The following FOXP2 variants were observed in gnomAD, a reference collection of about 807,000 sequenced individuals.
FOXP2 encodes the protein forkhead box protein P2.
A neutral mutation model predicts 115.8 loss-of-function variants in FOXP2; 12 were observed. The observed-to-expected ratio is 0.10, with a 90% CI of 0.07 to 0.17. The LOEUF (loss-of-function observed/expected upper bound fraction) is 0.17, where lower values mean the gene tolerates loss of function less well. Among genes scored for constraint, FOXP2 ranks in the 10% least tolerant of loss-of-function variants. The probability of loss-of-function intolerance (pLI) is 1.00; values close to 1 mark genes in which losing one functional copy is unlikely to be tolerated. For missense variants in FOXP2, 629 were observed against 843.5 expected, an observed-to-expected ratio of 0.75 and a Z score of 3.15; for synonymous variants, 328 against 297.7, an observed-to-expected ratio of 1.10 and a Z score of -1.05.
chr7:114,458,546 C>CTTTT (rs1177402028), intron 2 of FOXP2, among the ~76,000 whole-genome samples: 17 of 113,398 alleles, frequency 1.5e-4, no homozygotes, highest in Non-Finnish European at 2.1e-4. Context: ...ATTTTCTTTT[C>CTTTT]TTTTTTTTTT....
rs367555565 is a variant in FOXP2, at chr7:114,534,597, G to A, written c.169-20G>A. On this transcript the variant is annotated intron_variant, in intron 2 of 16. Transcript: ENST00000350908. ...AACTTTCAACAAAATATTTAGATAAGGTTTCATTTTTACTTCTAGGCTCTC... is the reference window on the plus strand; with the variant it reads ...AACTTTCAACAAAATATTTAGATAAAGTTTCATTTTTACTTCTAGGCTCTC... 1.2e-5 allele frequency: 20 copies of A among 1,601,094 alleles called. No individual in the cohort carries two copies. The highest frequency in any genetic ancestry group is 1.7e-5 in the Non-Finnish European group (20 of 1,168,856).
At position 114,426,461 on chromosome 7, in the gene FOXP2, G is replaced by A. The variant is rs780664643; in HGVS notation, c.-10-41G>A. On this transcript the variant is annotated intron_variant, in intron 1 of 16. Transcript: ENST00000350908. The stretch of plus-strand genomic sequence containing the variant: ...GACATCTTGATAATGGAAGTGTGAA[G>A]GTGTAACGTGTGTTAATTGATACTT... The A allele has an allele frequency of 1.8e-5, 28 of 1,574,366 alleles. No individual in the cohort carries two copies. In the East Asian group the frequency reaches 5.9e-4, roughly 33 times the overall value.
chr7:114,685,052 CTT>C (rs1202010036), intron 16 of FOXP2, among the ~76,000 whole-genome samples: 1 of 151,654 alleles, frequency 6.6e-6, no homozygotes, highest in African/African-American at 2.4e-5. Flanking sequence ...ATAAACATCT[CTT>C]ATGGATTTAG....
At chr7:114,297,604 A>G (rs1323186849) in intron 2 of FOXP2, among the ~76,000 whole-genome samples, 2 of 152,240 alleles carry the variant, frequency 1.3e-5, no homozygotes, top group African/African-American at 4.8e-5. Flanking sequence ...ACAATAAGCC[A>G]TCTGAAAGAA....
chr7:114,299,743 A>T (rs1376349512), intron 2 of FOXP2, among the ~76,000 whole-genome samples: 1 of 151,948 alleles, frequency 6.6e-6, no homozygotes, highest in Non-Finnish European at 1.5e-5. Context: ...TTCACATTAC[A>T]GGGATTTCTA....
chr7:114,264,977 G>A (rs774880221), intron 1 of FOXP2, among the ~76,000 whole-genome samples: 1 of 152,160 alleles, frequency 6.6e-6, no homozygotes, highest in Non-Finnish European at 1.5e-5. Context: ...CTTCCCACCA[G>A]GCCCTACTTC....
chr7:114,252,571 T>G (rs1795480569), intron 1 of FOXP2, among the ~76,000 whole-genome samples: 1 of 152,236 alleles, frequency 6.6e-6, no homozygotes, highest in African/African-American at 2.4e-5. Context: ...TTTTCTAGTT[T>G]ATTTGCGTAG....
chr7:114,149,602 A>ATT (rs376120503), intron 1 of FOXP2, among the ~76,000 whole-genome samples: 2 of 149,282 alleles, frequency 1.3e-5, no homozygotes, highest in African/African-American at 4.9e-5. Flanking sequence ...CCCATTTAAC[A>ATT]TTTTTTTTTT....
chr7:114,165,039 G>T (rs1032642261), intron 1 of FOXP2, among the ~76,000 whole-genome samples: 1 of 152,058 alleles, frequency 6.6e-6, no homozygotes, highest in African/African-American at 2.4e-5. Context: ...AAGAAGTGAT[G>T]ATAACAAAAT....
intron 2 of FOXP2, among the ~76,000 whole-genome samples, chr7:114,357,467 G>A (rs548502668): frequency 5.8e-4 from 88 of 152,242 alleles, no homozygotes; most frequent in Non-Finnish European, 1.1e-3. Context: ...TTTGTTTACC[G>A]TATCCATTCC....
chr7:114,200,679 G>C (rs1794037660), intron 1 of FOXP2, among the ~76,000 whole-genome samples: 1 of 152,060 alleles, frequency 6.6e-6, no homozygotes, highest in Non-Finnish European at 1.5e-5. Context: ...GGGAAGCAAT[G>C]GTATATTTTA....
chr7:114,663,610 TGTTCTTAATAGTTG>T (rs896828917), intron 15 of FOXP2, 91 bp downstream of exon 15: 16 of 989,526 alleles, frequency 1.6e-5, no homozygotes, highest in African/African-American at 3.3e-5. Flanking sequence ...AGATTGTGAT[TGTTCTTAATAGTTG>T]GTTTATCATC....
chr7:114,086,481 C>A (rs1028765375), upstream of FOXP2: 13 of 347,110 alleles, frequency 3.7e-5, no homozygotes, highest in Non-Finnish European at 6.8e-5. Context: ...GGCCCCCCCC[C>A]TCCCCGGGCG....
chr7:114,211,525 G>A (rs1240011747), intron 1 of FOXP2, among the ~76,000 whole-genome samples: 2 of 152,178 alleles, frequency 1.3e-5, no homozygotes, highest in Admixed American at 1.3e-4. Flanking sequence ...AGTCCCAATG[G>A]GAGAACTTGG....
At chr7:114,491,835 G>T (rs1797071116) in intron 2 of FOXP2, among the ~76,000 whole-genome samples, 1 of 152,064 alleles carries the variant, frequency 6.6e-6, no homozygotes, top group South Asian at 2.1e-4. Flanking sequence ...GAGGATTTTT[G>T]CATCGATGTT....
intron 2 of FOXP2, among the ~76,000 whole-genome samples, chr7:114,351,000 A>C (rs1233953528): frequency 2.0e-5 from 3 of 152,174 alleles, no homozygotes; most frequent in Non-Finnish European, 2.9e-5. Context: ...AATGCAATGT[A>C]AAAGTTGTTA....
intron 1 of FOXP2, among the ~76,000 whole-genome samples, chr7:114,264,567 T>C (rs1795848437): frequency 2.0e-5 from 3 of 152,224 alleles, no homozygotes; most frequent in Admixed American, 1.3e-4. Flanking sequence ...TGTTTACACA[T>C]ATTACCTGTA....
chr7:114,118,837 A>C (rs1295532525), intron 1 of FOXP2, among the ~76,000 whole-genome samples: 1 of 152,148 alleles, frequency 6.6e-6, no homozygotes, highest in African/African-American at 2.4e-5. Context: ...AGGCAGAGAA[A>C]GAAATAGTAC....
chr7:114,101,907 G>T (rs942623403), intron 1 of FOXP2, among the ~76,000 whole-genome samples: 13 of 142,838 alleles, frequency 9.1e-5, no homozygotes, highest in African/African-American at 3.4e-4. Context: ...TTTTGTGTGT[G>T]TGTGTGTGTG....
Sources: gnomAD v4.1 joint callset for allele counts (sites outside exome capture counted in the v4.1 genomes callset) on GRCh38, gnomAD v4.1.1 for gene constraint, MANE v1.5 for transcripts, NCBI Gene and HGNC (gene_info 2026-07-23, HGNC 2026-07-21) for gene names.